HTR7: variants seen among roughly 807,000 people sequenced by gnomAD.
HTR7 encodes the protein 5-hydroxytryptamine receptor 7.
HTR7 carries 16 observed loss-of-function variants against 34.0 expected under a neutral mutation model. The ratio of observed to expected loss-of-function variants is 0.47; its 90% CI spans 0.32 to 0.71. HTR7 has a LOEUF of 0.71. Among genes scored for constraint, HTR7 ranks in the 30% least tolerant of loss-of-function variants. The probability of loss-of-function intolerance (pLI) is 0.04; values close to 1 mark genes in which losing one functional copy is unlikely to be tolerated. For synonymous variants in HTR7, 265 were observed against 260.2 expected (o/e 1.02, Z -0.18); for missense variants, 504 against 625.5 (o/e 0.81, Z 2.07).
intron 1 of HTR7, among the ~76,000 whole-genome samples, chr10:90,824,805 C>T (rs534513641): frequency 6.6e-6 from 1 of 152,308 alleles, no homozygotes; most frequent in African/African-American, 2.4e-5. Context: ...GGGGGAGGGA[C>T]TATTGGGAAA....
intron 1 of HTR7, among the ~76,000 whole-genome samples, chr10:90,801,070 A>G (rs1358730741): frequency 6.6e-6 from 1 of 152,152 alleles, no homozygotes; most frequent in Non-Finnish European, 1.5e-5. Context: ...GAAATTTTTG[A>G]TTTCAGATCC....
intron 1 of HTR7, among the ~76,000 whole-genome samples, chr10:90,783,891 C>CT (rs1845343649): frequency 6.6e-6 from 1 of 152,144 alleles, no homozygotes; most frequent in Admixed American, 6.5e-5. Context: ...TTCACCATTA[C>CT]TTTTTCCAAC....
At chr10:90,754,085 A>G (rs1434653842) in intron 1 of HTR7, among the ~76,000 whole-genome samples, 5 of 152,126 alleles carry the variant, frequency 3.3e-5, no homozygotes, top group South Asian at 2.1e-4. Context: ...TTTAAGAACA[A>G]AATAAAAGAT....
intron 1 of HTR7, among the ~76,000 whole-genome samples, chr10:90,814,152 T>G (rs1464804393): frequency 6.6e-6 from 1 of 152,214 alleles, no homozygotes; most frequent in Non-Finnish European, 1.5e-5. Flanking sequence ...TGCTGTTTCA[T>G]AGCTAGCCTA....
chr10:90,811,557 C>T (rs1439867158), intron 1 of HTR7, among the ~76,000 whole-genome samples: 2 of 152,080 alleles, frequency 1.3e-5, no homozygotes, highest in Admixed American at 6.5e-5. Flanking sequence ...TAGTACAAGC[C>T]ACTAGCCCGC....
chr10:90,787,396 G>A (rs1589450265), intron 1 of HTR7, among the ~76,000 whole-genome samples: 2 of 152,106 alleles, frequency 1.3e-5, no homozygotes, highest in Admixed American at 6.5e-5. Context: ...ACAGAGACAG[G>A]AGAATCACTT....
intron 1 of HTR7, among the ~76,000 whole-genome samples, chr10:90,850,146 A>T (rs1474857165): frequency 6.6e-6 from 1 of 152,274 alleles, no homozygotes; most frequent in Non-Finnish European, 1.5e-5. Context: ...TAAGCCCAGC[A>T]CCTGTTAGTT....
chr10:90,825,471 G>C (rs558973098), intron 1 of HTR7, among the ~76,000 whole-genome samples: 165 of 152,236 alleles, frequency 1.1e-3, no homozygotes, highest in African/African-American at 3.9e-3. Context: ...CAAGCATCAA[G>C]ATCACCCAGG....
chr10:90,851,698 G>A (rs1023773392), intron 1 of HTR7, among the ~76,000 whole-genome samples: 1 of 151,224 alleles, frequency 6.6e-6, no homozygotes, highest in African/African-American at 2.4e-5. Context: ...CAAACCCTCA[G>A]TAATATGGTT....
intron 1 of HTR7, among the ~76,000 whole-genome samples, chr10:90,815,818 G>A (rs897525321): frequency 7.9e-5 from 12 of 152,204 alleles, no homozygotes; most frequent in African/African-American, 1.2e-4. Flanking sequence ...AATGCTGGTG[G>A]GAACAAATTC....
At chr10:90,764,507 C>T (rs1844990483) in intron 1 of HTR7, among the ~76,000 whole-genome samples, 1 of 152,088 alleles carries the variant, frequency 6.6e-6, no homozygotes, top group African/African-American at 2.4e-5. Context: ...CACAACTTTA[C>T]TAAATTCACT....
At chr10:90,787,317 G>A (rs527638001) in intron 1 of HTR7, among the ~76,000 whole-genome samples, 27 of 152,060 alleles carry the variant, frequency 1.8e-4, no homozygotes, top group African/African-American at 4.8e-4. Flanking sequence ...GTGAAACCCC[G>A]TCTCTATTAA....
At position 90,749,388 on chromosome 10, in the gene HTR7, T is replaced by A. The variant is rs776230353; in HGVS notation, c.746A>T (p.Tyr249Phe). 6.2e-7 allele frequency: 1 copy of A among 1,614,114 alleles called. No homozygotes were observed. Among genetic ancestry groups the A allele is most frequent in the Admixed American group, 1.7e-5 (1 of 60,012 alleles). ...GAAAAGCATGACGGACATGGGGATA[T>A]AAAATGCCACTGCGGTAGAGTAAAT... ...YTIYSTAVAFYIPMSVMLFMY... is the reference protein window; with the variant it reads ...YTIYSTAVAFFIPMSVMLFMY... The change falls in exon 2 of 4, where the codon TAT becomes TTT. Residue 249 changes from tyrosine (Y) to phenylalanine (F), a missense_variant. Tyr to Phe is a conservative substitution (Grantham distance 22). This residue lies in a region of HTR7 where 154 missense variants were observed against 248.8 expected (regional missense o/e 0.62). Coordinates refer to ENST00000336152, the MANE Select transcript of HTR7 (RefSeq NM_019859.4). The surrounding 1 kb of genome is among the most constrained non-coding windows in gnomAD (Gnocchi z 4.2).
At chr10:90,808,651 C>T (rs1845745815) in intron 1 of HTR7, among the ~76,000 whole-genome samples, 1 of 152,036 alleles carries the variant, frequency 6.6e-6, no homozygotes, top group South Asian at 2.1e-4. Flanking sequence ...CCCTGAACCC[C>T]TTCCCTCCTG....
At chr10:90,743,557 CACTA>C in intron 3 of HTR7, 32 bp downstream of exon 3, 3 of 1,489,310 alleles carry the variant, frequency 2.0e-6, no homozygotes. Context: ...CAGACCACAG[CACTA>C]TCTCCAAAGT....
intron 1 of HTR7, among the ~76,000 whole-genome samples, chr10:90,770,560 T>C (rs988604473): frequency 6.6e-6 from 1 of 152,192 alleles, no homozygotes. Context: ...TCCCAGTGCC[T>C]GCTCCCATCT....
intron 1 of HTR7, among the ~76,000 whole-genome samples, chr10:90,852,386 T>C (rs1846514951): frequency 6.6e-6 from 1 of 152,088 alleles, no homozygotes; most frequent in South Asian, 2.1e-4. Context: ...TAATATCTAA[T>C]GGGTTTTAAT....
At chr10:90,770,689 C>T (rs888258324) in intron 1 of HTR7, among the ~76,000 whole-genome samples, 8 of 152,198 alleles carry the variant, frequency 5.3e-5, no homozygotes, top group Non-Finnish European at 7.4e-5. Flanking sequence ...ACATTGGGCA[C>T]CAACAAGCAC....
intron 1 of HTR7, among the ~76,000 whole-genome samples, chr10:90,774,649 C>T (rs912740098): frequency 2.0e-5 from 3 of 152,158 alleles, no homozygotes; most frequent in Non-Finnish European, 4.4e-5. Flanking sequence ...TTTGGCAGCC[C>T]AATGACACGG....
Sources: gnomAD v4.1 joint callset for allele counts (sites outside exome capture counted in the v4.1 genomes callset) on GRCh38, gnomAD v4.1.1 for gene constraint, gnomAD v4.1.1 regional missense constraint, Gnocchi (gnomAD v3.1) non-coding constraint, MANE v1.5 for transcripts, NCBI Gene and HGNC (gene_info 2026-07-23, HGNC 2026-07-21) for gene names.